PPP1R12B: variants seen among roughly 807,000 people sequenced by gnomAD.
The protein encoded by PPP1R12B is myosin phosphatase target subunit 2.
Under a neutral mutation model 126.1 loss-of-function variants are expected in PPP1R12B, and 76 were observed. The ratio of observed to expected loss-of-function variants is 0.60; its 90% CI spans 0.50 to 0.73. The LOEUF is 0.73. Ranked by LOEUF, PPP1R12B falls within the 30% of genes least tolerant of loss-of-function variation. The pLI is 0.00. For synonymous variants in PPP1R12B, 356 were observed against 434.7 expected (o/e 0.82, Z 2.25); for missense variants, 1,052 against 1,205.1 (o/e 0.87, Z 1.88).
chr1:202,473,945 C>T (rs534116686), intron 13 of PPP1R12B: 11 of 532,826 alleles, frequency 2.1e-5, no homozygotes, highest in Admixed American at 9.7e-5. Context: ...CAGGCCTGCT[C>T]GAGGAGGTAA....
In PPP1R12B at chr1:202,591,073, C is replaced by CAG. The variant is rs1044735482; in HGVS notation, c.*10520_*10521dup. Reference sequence around the variant, plus strand: ...GTGGGTGTGGAGAGTGGGAGGGCCCCAGAGAGAGCTGGAGGAAGCAAGACA... The same window carrying CAG: ...GTGGGTGTGGAGAGTGGGAGGGCCCCAGAGAGAGAGCTGGAGGAAGCAAGACA... On this transcript the variant is annotated 3_prime_UTR_variant, in exon 24 of 24. Coordinates refer to ENST00000608999, the MANE Select transcript of PPP1R12B (RefSeq NM_002481.4). The CAG allele has an allele frequency of 5.9e-5, 9 of 152,352 alleles. No homozygotes were observed. The highest frequency in any genetic ancestry group is 2.2e-4 in the African/African-American group (9 of 41,562). 9.4% of individuals were successfully genotyped at this position (152,352 alleles called of 1,614,324 possible).
intron 1 of PPP1R12B, among the ~76,000 whole-genome samples, chr1:202,352,606 C>T (rs182009101): frequency 6.6e-5 from 10 of 152,056 alleles, no homozygotes; most frequent in South Asian, 4.2e-4. Flanking sequence ...TTCACACTGG[C>T]GGCCGGGGGT....
At chr1:202,398,706 C>A (rs1665359478) in intron 1 of PPP1R12B, among the ~76,000 whole-genome samples, 1 of 152,168 alleles carries the variant, frequency 6.6e-6, no homozygotes, top group Non-Finnish European at 1.5e-5. Flanking sequence ...CAAAGGGGCA[C>A]AACACTCTTG....
rs1160667997 is a variant in PPP1R12B, at chr1:202,449,121, GCT to G, written c.1804_1805del (p.Ser602HisfsTer24). 1 of 1,613,414 alleles carries G rather than the reference GCT, an allele frequency of 6.2e-7. No individual in the cohort carries two copies. The highest frequency in any genetic ancestry group is 8.5e-7 in the Non-Finnish European group (1 of 1,179,706). ...TANGVTATPV[L>X]SITGTDSSVE... ...CCAATGGGGTTACAGCTACTCCTGT[GCT>G]CTCCATTACTGGAACAGATTCCTCT... On this transcript the variant is annotated frameshift_variant, in exon 13 of 24. Coordinates refer to ENST00000608999, the MANE Select transcript of PPP1R12B (RefSeq NM_002481.4). LOFTEE classifies it high-confidence loss of function.
chr1:202,462,584 T>G (rs1487097895), intron 13 of PPP1R12B, among the ~76,000 whole-genome samples: 1 of 152,206 alleles, frequency 6.6e-6, no homozygotes, highest in Non-Finnish European at 1.5e-5. Flanking sequence ...CTAAAAGCCC[T>G]TATCAGCCAT....
chr1:202,514,152 T>C lies in PPP1R12B; in HGVS notation c.2490+17330T>C, dbSNP rs1348747387. Among the ~76,000 whole-genome samples, 5 of 152,314 alleles carry C rather than the reference T, an allele frequency of 3.3e-5. No homozygotes were observed. The East Asian group carries it at 9.6e-4, about 29-fold the overall frequency. On this transcript the variant is annotated intron_variant, in intron 18 of 23. Transcript: ENST00000608999. ...CTGACTGGTGTGAGATGGTATCTCA[T>C]TGTGGTTTTGATTTGCATTTCTCTA...
intron 18 of PPP1R12B, among the ~76,000 whole-genome samples, chr1:202,548,776 G>C (rs6676130): frequency 0.056 from 5,572 of 98,918 alleles, 294 homozygotes; most frequent in Non-Finnish European, 0.061. Context: ...CTCGCTCGCT[G>C]TCTCTCTCTC....
chr1:202,517,867 C>G (rs1461473455), intron 18 of PPP1R12B, among the ~76,000 whole-genome samples: 2 of 152,160 alleles, frequency 1.3e-5, no homozygotes, highest in Non-Finnish European at 2.9e-5. Context: ...CTCAGGTGAT[C>G]TGCCTGCGTC....
intron 18 of PPP1R12B, among the ~76,000 whole-genome samples, chr1:202,544,128 C>T (rs866527495): frequency 2.6e-4 from 40 of 152,162 alleles, no homozygotes; most frequent in African/African-American, 8.7e-4. Flanking sequence ...TCTCATACCA[C>T]GAAACAACCC....
chr1:202,541,939 G>A (rs1006528077), intron 18 of PPP1R12B, among the ~76,000 whole-genome samples: 30 of 152,176 alleles, frequency 2.0e-4, no homozygotes, highest in African/African-American at 7.0e-4. Flanking sequence ...CCCAATTTTA[G>A]TGGTCACTGG....
chr1:202,538,329 T>A (rs1357499682), intron 18 of PPP1R12B, among the ~76,000 whole-genome samples: 1 of 152,208 alleles, frequency 6.6e-6, no homozygotes, highest in Non-Finnish European at 1.5e-5. Context: ...TATTCTGGTT[T>A]ATGATAGAAT....
At chr1:202,540,135 G>A in intron 18 of PPP1R12B, 3 of 1,604,760 alleles carry the variant, frequency 1.9e-6, no homozygotes, top group Non-Finnish European at 2.6e-6. Flanking sequence ...GCATCCTGAG[G>A]AACCATGTCC....
chr1:202,348,765 C>G lies in PPP1R12B; in HGVS notation c.-87C>G, dbSNP rs898969878. ...CTCCGCCCTCTGCTCCGGGCTGAAGCGCTCTGAGAGAGGCGGCAGCGGCAA... is the reference window on the plus strand; with the variant it reads ...CTCCGCCCTCTGCTCCGGGCTGAAGGGCTCTGAGAGAGGCGGCAGCGGCAA... On this transcript the variant is annotated 5_prime_UTR_variant, in exon 1 of 24. Transcript: ENST00000608999. The G allele has an allele frequency of 6.8e-7, 1 of 1,471,786 alleles. No individual in the cohort carries two copies. The highest frequency in any genetic ancestry group is 2.6e-5 in the Admixed American group (1 of 38,380). 91.2% of individuals were successfully genotyped at this position (1,471,786 alleles called of 1,614,324 possible).
In PPP1R12B at chr1:202,562,842, G is replaced by A; in HGVS notation, c.2572G>A (p.Ala858Thr). The change falls in exon 20 of 24, where the codon GCC (alanine) becomes ACC (threonine). Residue 858 changes from alanine to threonine, a missense_variant. Ala to Thr is a moderately conservative substitution (Grantham distance 58). Coordinates refer to ENST00000608999, the MANE Select transcript of PPP1R12B (RefSeq NM_002481.4). ...DSYGDRASAR[A>T]RREAREARLA... ...TTACGGTGACCGGGCTTCAGCAAGA[G>A]CCCGTCGGGAGGCCCGGGAGGCCCG... is the stretch of plus-strand genomic sequence containing the variant. The A allele has an allele frequency of 2.5e-6, 4 of 1,613,554 alleles. No individual in the cohort carries two copies. The highest frequency in any genetic ancestry group is 3.3e-5 in the Admixed American group (2 of 59,890).
chr1:202,495,427 T>G lies in PPP1R12B; in HGVS notation c.2280T>G (p.Ser760=). Residue 760 remains serine, a synonymous_variant, in exon 16 of 24, where the codon TCT becomes TCG. Coordinates refer to ENST00000608999, the MANE Select transcript of PPP1R12B (RefSeq NM_002481.4). ...CAAATAGATTTTCAGTCCCTGATTC[T>G]GAGAGTTCAGAGACTACCACAAACA... ...LWTNRFSVPD[S]ESSETTTNTT... 8 of 1,611,042 alleles carry G rather than the reference T, an allele frequency of 5.0e-6. No homozygotes were observed. Among genetic ancestry groups the G allele is most frequent in the Non-Finnish European group, 6.8e-6 (8 of 1,178,278 alleles).
Position 202,495,316 on chromosome 1 carries a change from C to T in PPP1R12B, c.2169C>T (p.Cys723=). 6.3e-7 allele frequency: 1 copy of T among 1,574,976 alleles called. No homozygotes were observed. Among genetic ancestry groups the T allele is most frequent in the Admixed American group, 1.8e-5 (1 of 54,064 alleles). ...AGCCTATCTGTCATCGCCTGAGGTGCCCAGCTCAGCCAGACAAACCCACCA... is the reference window on the plus strand; with the variant it reads ...AGCCTATCTGTCATCGCCTGAGGTGTCCAGCTCAGCCAGACAAACCCACCA... ...DEEPICHRLR[C]PAQPDKPTTP... The change falls in exon 16 of 24, where the codon TGC becomes TGT. Residue 723 remains cysteine (C), a synonymous_variant. Coordinates refer to ENST00000608999, the MANE Select transcript of PPP1R12B (RefSeq NM_002481.4).
chr1:202,529,113 A>C (rs1273401523), intron 18 of PPP1R12B, among the ~76,000 whole-genome samples: 1 of 152,182 alleles, frequency 6.6e-6, no homozygotes, highest in Non-Finnish European at 1.5e-5. Flanking sequence ...TTCATCTTCA[A>C]CTATTTTAAA....
At chr1:202,513,164 G>A (rs1217932023) in intron 18 of PPP1R12B, among the ~76,000 whole-genome samples, 2 of 152,170 alleles carry the variant, frequency 1.3e-5, no homozygotes. Context: ...GGTAGAGATG[G>A]TGTTTCACCA....
At chr1:202,522,835 A>C (rs1402271276) in intron 18 of PPP1R12B, among the ~76,000 whole-genome samples, 1 of 152,208 alleles carries the variant, frequency 6.6e-6, no homozygotes. Flanking sequence ...CTCACTTATA[A>C]ATAAGGAACA....
Sources: gnomAD v4.1 joint callset for allele counts (sites outside exome capture counted in the v4.1 genomes callset) on GRCh38, gnomAD v4.1.1 for gene constraint, MANE v1.5 for transcripts, NCBI Gene and HGNC (gene_info 2026-07-23, HGNC 2026-07-21) for gene names.